Variants in PALS1 observed in about 807,000 individuals in gnomAD.
PALS1 encodes the protein protein PALS1.
PALS1 carries 31 observed loss-of-function variants against 78.9 expected under a neutral mutation model. The observed-to-expected ratio is 0.39, with a 90% CI of 0.30 to 0.53. The LOEUF (loss-of-function observed/expected upper bound fraction) is 0.53. Among genes scored for constraint, PALS1 ranks in the 20% least tolerant of loss-of-function variants. PALS1 has a pLI of 0.67. For synonymous variants in PALS1, 276 were observed against 270.9 expected (o/e 1.02, Z -0.18); for missense variants, 704 against 826.5 (o/e 0.85, Z 1.82).
intron 1 of PALS1, among the ~76,000 whole-genome samples, chr14:67,265,098 T>C (rs569827458): frequency 1.3e-5 from 2 of 152,332 alleles, no homozygotes; most frequent in East Asian, 3.9e-4. Context: ...TATAGTATAT[T>C]CTAAATACAG....
rs760808385 is a variant in PALS1 at position 67,301,995 on chromosome 14, G to A, written c.678G>A (p.Lys226=). ...HIQALLLAHD[K]VAEQEMQLEP... ...AGGCACTTTTACTGGCCCACGATAA[G>A]GTTGCTGAGCAGGAAATGCAGCTAG... Residue 226 remains lysine, a synonymous_variant, in exon 6 of 15, where the codon AAG becomes AAA. Coordinates refer to ENST00000261681, the MANE Select transcript of PALS1 (RefSeq NM_022474.4). 1 of 1,604,608 alleles carries A rather than the reference G, an allele frequency of 6.2e-7. No individual in the cohort carries two copies. Among genetic ancestry groups the A allele is most frequent in the South Asian group, 1.1e-5 (1 of 89,260 alleles).
At chr14:67,252,018 C>G (rs575172454) in intron 1 of PALS1, among the ~76,000 whole-genome samples, 2 of 152,210 alleles carry the variant, frequency 1.3e-5, no homozygotes, top group African/African-American at 4.8e-5. Flanking sequence ...TGCTGGGAGG[C>G]TGGTTTGACT....
intron 3 of PALS1, among the ~76,000 whole-genome samples, chr14:67,289,747 T>C (rs1013361953): frequency 6.6e-6 from 1 of 150,672 alleles, no homozygotes; most frequent in Non-Finnish European, 1.5e-5. Context: ...AAAGGCACAT[T>C]GGGAAGATTT....
chr14:67,330,064 G>C (rs2085423756), intron 14 of PALS1, among the ~76,000 whole-genome samples: 1 of 149,830 alleles, frequency 6.7e-6, no homozygotes, highest in Non-Finnish European at 1.5e-5. Context: ...TGTGGTAAGA[G>C]AGAATATATG....
intron 14 of PALS1, among the ~76,000 whole-genome samples, chr14:67,328,815 C>G (rs1408652411): frequency 2.0e-5 from 3 of 152,140 alleles, no homozygotes; most frequent in Admixed American, 2.0e-4. Context: ...TCTGAGGGCT[C>G]TGTTCTGTTC....
chr14:67,283,590 C>A (rs961404082), intron 3 of PALS1, among the ~76,000 whole-genome samples: 2 of 152,038 alleles, frequency 1.3e-5, no homozygotes, highest in African/African-American at 4.8e-5. Context: ...TTAGCCATTC[C>A]TTCAGGGAAT....
chr14:67,278,341 C>CT (rs551435645), intron 2 of PALS1, among the ~76,000 whole-genome samples: 362 of 138,164 alleles, frequency 2.6e-3, no homozygotes, highest in South Asian at 3.5e-3. Flanking sequence ...CGGCCCAATT[C>CT]TTTTTTTTTT....
intron 8 of PALS1, among the ~76,000 whole-genome samples, chr14:67,311,678 T>C (rs1012497176): frequency 6.6e-6 from 1 of 152,200 alleles, no homozygotes; most frequent in African/African-American, 2.4e-5. Context: ...CAGAATAGCT[T>C]ATAAAGTTCA....
At chr14:67,284,027 G>A (rs2084640706) in intron 3 of PALS1, among the ~76,000 whole-genome samples, 1 of 152,078 alleles carries the variant, frequency 6.6e-6, no homozygotes, top group African/African-American at 2.4e-5. Context: ...CTTTGGGCAT[G>A]TTACTCAATT....
chr14:67,314,702 C>G (rs1307848331), intron 9 of PALS1, among the ~76,000 whole-genome samples: 1 of 152,202 alleles, frequency 6.6e-6, no homozygotes, highest in East Asian at 1.9e-4. Context: ...TATATAGATT[C>G]CAATGATGAC....
chr14:67,249,240 G>A (rs767777320), intron 1 of PALS1, among the ~76,000 whole-genome samples: 2 of 152,226 alleles, frequency 1.3e-5, no homozygotes, highest in Non-Finnish European at 2.9e-5. Context: ...GGGATTACAG[G>A]CGTGGGCCAC....
intron 1 of PALS1, among the ~76,000 whole-genome samples, chr14:67,253,733 T>C (rs1012372518): frequency 2.0e-5 from 3 of 151,766 alleles, no homozygotes; most frequent in Non-Finnish European, 1.5e-5. Flanking sequence ...CCCAGCTACT[T>C]GGGAGGCTCA....
intron 3 of PALS1, among the ~76,000 whole-genome samples, chr14:67,285,154 G>T (rs2084666311): frequency 1.3e-5 from 2 of 152,092 alleles, no homozygotes; most frequent in Non-Finnish European, 1.5e-5. Flanking sequence ...TAGAGGAAAA[G>T]AAATCTTAAA....
At chr14:67,250,034 A>G (rs1363549690) in intron 1 of PALS1, among the ~76,000 whole-genome samples, 1 of 152,066 alleles carries the variant, frequency 6.6e-6, no homozygotes, top group Admixed American at 6.5e-5. Flanking sequence ...AAGCTGTTCT[A>G]TTTTGTTTTT....
chr14:67,285,396 TC>T (rs2084670614), intron 3 of PALS1, among the ~76,000 whole-genome samples: 1 of 146,092 alleles, frequency 6.8e-6, no homozygotes, highest in Non-Finnish European at 1.5e-5. Flanking sequence ...AGACGGAGTC[TC>T]GCTCTGTCGC....
intron 1 of PALS1, among the ~76,000 whole-genome samples, chr14:67,250,950 G>C (rs1348492229): frequency 1.3e-5 from 2 of 152,112 alleles, no homozygotes; most frequent in Admixed American, 1.3e-4. Context: ...GCTGTATGCT[G>C]TATCCTTTGT....
chr14:67,323,988 CT>C (rs1372729770), intron 14 of PALS1, among the ~76,000 whole-genome samples, 176 bp downstream of exon 14: 1 of 152,186 alleles, frequency 6.6e-6, no homozygotes, highest in Non-Finnish European at 1.5e-5. Context: ...ACTATGGCAG[CT>C]TTCCAAAGTT....
chr14:67,285,343 C>A (rs2084668999), intron 3 of PALS1, among the ~76,000 whole-genome samples: 1 of 151,676 alleles, frequency 6.6e-6, no homozygotes, highest in South Asian at 2.1e-4. Context: ...TGATGCCAAT[C>A]CAGATGGAGA....
chr14:67,317,043 G>T lies in PALS1; in HGVS notation c.1297+140G>T, dbSNP rs2085187108. The T allele has an allele frequency of 1.3e-5, 8 of 626,406 alleles. No individual in the cohort carries two copies. In the South Asian group the frequency reaches 1.8e-4, roughly 14 times the overall value. 38.8% of individuals were successfully genotyped at this position (626,406 alleles called of 1,614,324 possible). On this transcript the variant is annotated intron_variant, in intron 10 of 14. Coordinates refer to ENST00000261681, the MANE Select transcript of PALS1 (RefSeq NM_022474.4). Reference sequence around the variant, plus strand: ...AGGCAAAACTGATTATCTCAGAACTGTAAAGAAAGGATAAGATTTAAGTAT... The same window carrying T: ...AGGCAAAACTGATTATCTCAGAACTTTAAAGAAAGGATAAGATTTAAGTAT...
Sources: gnomAD v4.1 joint callset for allele counts (sites outside exome capture counted in the v4.1 genomes callset) on GRCh38, gnomAD v4.1.1 for gene constraint, MANE v1.5 for transcripts, NCBI Gene and HGNC (gene_info 2026-07-23, HGNC 2026-07-21) for gene names.